Variants in CNTLN observed in about 807,000 individuals in gnomAD.
CNTLN encodes the protein centlein, centrosomal protein.
CNTLN carries 212 observed loss-of-function variants against 180.0 expected under a neutral mutation model. That is an observed-to-expected ratio of 1.18 (90% CI 1.05 to 1.32). The LOEUF is 1.32. Among genes scored for constraint, CNTLN ranks in the 40% most tolerant of loss-of-function variants. The probability of loss-of-function intolerance (pLI) is 0.00; values close to 1 mark genes in which losing one functional copy is unlikely to be tolerated. For missense variants in CNTLN, 2,095 were observed against 1,610.9 expected (o/e 1.30, Z -5.14); for synonymous variants, 722 against 563.1 (o/e 1.28, Z -3.99).
intron 12 of CNTLN, among the ~76,000 whole-genome samples, chr9:17,348,261 C>A (rs549460566): frequency 6.6e-6 from 1 of 152,246 alleles, no homozygotes; most frequent in South Asian, 2.1e-4. Flanking sequence ...GTTGAAAAAT[C>A]GTTAAGGAGA....
the CNTLN span, among the ~76,000 whole-genome samples, chr9:17,516,568 C>G: frequency 1.3e-5 from 2 of 152,126 alleles, no homozygotes; most frequent in African/African-American, 4.8e-5. Flanking sequence ...CTACGGAAAA[C>G]TCAACAGTCC....
intron 16 of CNTLN, among the ~76,000 whole-genome samples, chr9:17,414,675 G>A (rs1486334457): frequency 6.6e-6 from 1 of 152,164 alleles, no homozygotes; most frequent in Non-Finnish European, 1.5e-5. Flanking sequence ...TCTGTTCCAT[G>A]TGTTAATCAG....
chr9:17,160,056 T>C (rs974316271), intron 2 of CNTLN, among the ~76,000 whole-genome samples: 1 of 152,220 alleles, frequency 6.6e-6, no homozygotes, highest in African/African-American at 2.4e-5. Flanking sequence ...GATTGTGAAT[T>C]CACTGACTTT....
intron 13 of CNTLN, among the ~76,000 whole-genome samples, chr9:17,380,236 T>C (rs982549182): frequency 5.3e-5 from 8 of 152,142 alleles, no homozygotes; most frequent in Admixed American, 3.9e-4. Flanking sequence ...ACCTGAGGCA[T>C]TGGGGGAGGG....
At chr9:17,411,196 C>G (rs1211137087) in intron 16 of CNTLN, among the ~76,000 whole-genome samples, 1 of 152,028 alleles carries the variant, frequency 6.6e-6, no homozygotes, top group African/African-American at 2.4e-5. Flanking sequence ...TGTATCCTGG[C>G]CTGGATACCT....
rs544573745 is a variant in CNTLN at position 17,230,980 on chromosome 9, C to T, written c.535-4678C>T. ...TCCTGTGGAAGTTTTTTCTCCTGGG[C>T]ATCTGTTCCATTAAGTTGTTATTCT... On this transcript the variant is annotated intron_variant, in intron 3 of 25. Coordinates refer to ENST00000380647, the MANE Select transcript of CNTLN (RefSeq NM_017738.4). Among the ~76,000 whole-genome samples the T allele has an allele frequency of 2.9e-3, 435 of 152,172 alleles. 2 individuals are homozygous for T. Among genetic ancestry groups the T allele is most frequent in the Non-Finnish European group, 4.3e-3 (294 of 67,988 alleles).
intron 5 of CNTLN, among the ~76,000 whole-genome samples, chr9:17,269,576 C>T (rs1827784348): frequency 2.0e-5 from 3 of 152,010 alleles, no homozygotes; most frequent in Non-Finnish European, 4.4e-5. Context: ...TGAAAAATTT[C>T]CAGTTTTCCT....
At chr9:17,402,768 C>A (rs766383985) in intron 15 of CNTLN, among the ~76,000 whole-genome samples, 9 of 151,820 alleles carry the variant, frequency 5.9e-5, no homozygotes, top group Non-Finnish European at 1.0e-4. Flanking sequence ...AGAAAATTGA[C>A]TTTCCTGGGT....
chr9:17,298,762 C>T (rs1341316109), intron 7 of CNTLN: 18 of 988,318 alleles, frequency 1.8e-5, no homozygotes, highest in African/African-American at 3.5e-5. Context: ...TTCACAAATA[C>T]AAAGGGGATT....
intron 8 of CNTLN, among the ~76,000 whole-genome samples, chr9:17,323,443 G>A (rs1044365035): frequency 6.6e-5 from 10 of 152,146 alleles, no homozygotes; most frequent in Admixed American, 1.3e-4. Flanking sequence ...AGCGGCAGGC[G>A]GGTCACGAGC....
intron 13 of CNTLN, among the ~76,000 whole-genome samples, chr9:17,374,669 G>A (rs1013148457): frequency 2.0e-5 from 3 of 152,064 alleles, no homozygotes; most frequent in African/African-American, 7.2e-5. Flanking sequence ...AGACCAGCCT[G>A]GCCAACATGG....
At chr9:17,265,210 G>A (rs1418999674) in intron 5 of CNTLN, among the ~76,000 whole-genome samples, 43 of 145,876 alleles carry the variant, frequency 2.9e-4, no homozygotes, top group Middle Eastern at 3.7e-3. Flanking sequence ...TTTGAAATAC[G>A]TCCCATCAAT....
chr9:17,421,023 T>A (rs111704695), intron 18 of CNTLN, among the ~76,000 whole-genome samples: 5,341 of 152,264 alleles, frequency 0.035, 161 homozygotes, highest in East Asian at 0.17. Context: ...AGGAGAAGAA[T>A]GTGTATTCTG....
chr9:17,302,142 C>G, intron 7 of CNTLN: 2 of 971,248 alleles, frequency 2.1e-6, no homozygotes, highest in Non-Finnish European at 2.4e-6. Flanking sequence ...ACTGACCTAT[C>G]CACCCAGGGA....
At chr9:17,387,096 T>A (rs550287302) in intron 13 of CNTLN, among the ~76,000 whole-genome samples, 5 of 152,300 alleles carry the variant, frequency 3.3e-5, no homozygotes, top group Non-Finnish European at 7.4e-5. Flanking sequence ...TTTAATTGGG[T>A]ATGTCATTTT....
At chr9:17,493,199 G>C (rs1264767112) in intron 25 of CNTLN, among the ~76,000 whole-genome samples, 7 of 152,112 alleles carry the variant, frequency 4.6e-5, no homozygotes, top group Non-Finnish European at 8.8e-5. Flanking sequence ...CACTGAGTAA[G>C]TGACTTAAAA....
intron 2 of CNTLN, among the ~76,000 whole-genome samples, chr9:17,189,336 C>T (rs1821647258): frequency 6.6e-6 from 1 of 151,614 alleles, no homozygotes; most frequent in Non-Finnish European, 1.5e-5. Context: ...CCCTCTTCAG[C>T]CTCCCAAAGT....
intron 15 of CNTLN, among the ~76,000 whole-genome samples, chr9:17,403,219 A>T (rs1308085037): frequency 1.3e-5 from 2 of 151,658 alleles, no homozygotes; most frequent in African/African-American, 4.9e-5. Flanking sequence ...CATTGTATAG[A>T]TCTTGCCTAT....
At chr9:17,382,140 A>G (rs1169783938) in intron 13 of CNTLN, among the ~76,000 whole-genome samples, 1 of 152,226 alleles carries the variant, frequency 6.6e-6, no homozygotes, top group Non-Finnish European at 1.5e-5. Flanking sequence ...TGTTGCGAGC[A>G]TATGGCTTTC....
Sources: gnomAD v4.1 joint callset for allele counts (sites outside exome capture counted in the v4.1 genomes callset) on GRCh38, gnomAD v4.1.1 for gene constraint, MANE v1.5 for transcripts, NCBI Gene and HGNC (gene_info 2026-07-23, HGNC 2026-07-21) for gene names.